Variants in RNF152 observed in about 807,000 individuals in gnomAD.
RNF152 encodes ring finger protein 152, also known as E3 ubiquitin-protein ligase RNF152.
Under a neutral mutation model 12.7 loss-of-function variants are expected in RNF152, and 11 were observed. That is an observed-to-expected ratio of 0.86 (90% CI 0.54 to 1.43). The LOEUF (loss-of-function observed/expected upper bound fraction) is 1.43. Ranked by LOEUF, RNF152 falls within the 40% of genes most tolerant of loss-of-function variation. The pLI is 0.00. For synonymous variants in RNF152, 113 were observed against 120.3 expected (o/e 0.94, Z 0.40); for missense variants, 255 against 274.8 (o/e 0.93, Z 0.51).
intron 1 of RNF152, among the ~76,000 whole-genome samples, chr18:61,885,699 A>T (rs1450972186): frequency 1.3e-5 from 2 of 152,202 alleles, no homozygotes; most frequent in African/African-American, 2.4e-5. Flanking sequence ...TCTCATAATG[A>T]TCAAGCATTT....
In RNF152 at chr18:61,808,349, G is replaced by A. The variant is rs1028708273; in HGVS notation, c.*7503C>T. The stretch of plus-strand genomic sequence containing the variant: ...ACATTTGGACAATATTTTCTACACA[G>A]CCCAGCAGCTCATTTATCTGTAGGG... On this transcript the variant is annotated 3_prime_UTR_variant, in exon 2 of 2. Transcript: ENST00000312828. 1.6e-5 allele frequency: 2 copies of A among 122,624 alleles called. No homozygotes were observed. The highest frequency in any genetic ancestry group is 6.3e-5 in the African/African-American group (2 of 31,724). The allele number at this position is 122,624 out of a possible 1,614,324, so 7.6% of individuals were successfully genotyped here.
intron 1 of RNF152, among the ~76,000 whole-genome samples, chr18:61,892,058 C>G (rs1912984766): frequency 6.6e-6 from 1 of 152,230 alleles, no homozygotes; most frequent in African/African-American, 2.4e-5. Context: ...CAAGATAACC[C>G]CAGATCTGGC....
chr18:61,859,432 G>C (rs565195032), intron 1 of RNF152, among the ~76,000 whole-genome samples: 2 of 152,304 alleles, frequency 1.3e-5, no homozygotes, highest in African/African-American at 2.4e-5. Context: ...CAAGGCTAAG[G>C]GTTCCGGAGA....
intron 1 of RNF152, among the ~76,000 whole-genome samples, chr18:61,844,077 GGAAAGAAA>G (rs35978592): frequency 0.14 from 9,597 of 68,298 alleles, 552 homozygotes; most frequent in Non-Finnish European, 0.15. Context: ...CAGAAAGAAA[GGAAAGAAA>G]GAAAGAAAGA....
At position 61,834,378 on chromosome 18, in the gene RNF152, C is replaced by T. The variant is rs184555906; in HGVS notation, c.-135-17780G>A. Among the ~76,000 whole-genome samples the T allele has an allele frequency of 3.7e-4, 56 of 152,334 alleles. 1 individual carries two copies. Among genetic ancestry groups the T allele is most frequent in the Non-Finnish European group, 1.9e-4 (13 of 68,028 alleles). On this transcript the variant is annotated intron_variant, in intron 1 of 1. Transcript: ENST00000312828. ...CGTTCCCCTCCAGCTGGCTTAGACA[C>T]CACTTCTATGTTCTCCTAGGAACCT...
At chr18:61,826,111 G>T (rs1909654200) in intron 1 of RNF152, among the ~76,000 whole-genome samples, 1 of 152,172 alleles carries the variant, frequency 6.6e-6, no homozygotes, top group Non-Finnish European at 1.5e-5. Context: ...GCTATGTTCT[G>T]TGGGGACCCA....
intron 1 of RNF152, chr18:61,888,674 G>A (rs1195635209): frequency 6.6e-6 from 1 of 152,042 alleles, no homozygotes; most frequent in Non-Finnish European, 1.5e-5. Flanking sequence ...ACTTATGAGG[G>A]GTTTATGAGG....
rs754190623 is a variant in RNF152 at position 61,813,306 on chromosome 18, ACAC to A, written c.*2543_*2545del. The stretch of plus-strand genomic sequence containing the variant: ...CACACACACACACACACACACACAC[ACAC>A]ACACACATACACAAGAATGCACACC... On this transcript the variant is annotated 3_prime_UTR_variant, in exon 2 of 2. Coordinates refer to ENST00000312828, the MANE Select transcript of RNF152 (RefSeq NM_173557.3). 0.21 allele frequency: 31,627 copies of A among 150,538 alleles called. 4,002 individuals are homozygous for A. Among genetic ancestry groups the A allele is most frequent in the Non-Finnish European group, 0.29 (19,782 of 67,400 alleles). The allele number at this position is 150,538 out of a possible 1,614,324, so 9.3% of individuals were successfully genotyped here.
intron 1 of RNF152, among the ~76,000 whole-genome samples, chr18:61,833,581 G>A (rs1910049195): frequency 6.6e-6 from 1 of 152,174 alleles, no homozygotes; most frequent in African/African-American, 2.4e-5. Flanking sequence ...ATTTCCTGAG[G>A]AAGTGATTCT....
chr18:61,845,921 G>C (rs978815124), intron 1 of RNF152, among the ~76,000 whole-genome samples: 3 of 128,702 alleles, frequency 2.3e-5, no homozygotes, highest in African/African-American at 5.4e-5. Context: ...GGCTTTGTGT[G>C]GGGGGGCGTG....
At chr18:61,834,036 T>C (rs1218698428) in intron 1 of RNF152, among the ~76,000 whole-genome samples, 1 of 152,234 alleles carries the variant, frequency 6.6e-6, no homozygotes, top group East Asian at 1.9e-4. Flanking sequence ...TCCAATGCTT[T>C]ATTAAGCACC....
At chr18:61,854,978 T>C (rs1157453030) in intron 1 of RNF152, among the ~76,000 whole-genome samples, 3 of 152,174 alleles carry the variant, frequency 2.0e-5, no homozygotes, top group Non-Finnish European at 4.4e-5. Flanking sequence ...ATACCAGCAA[T>C]AGGGCTTTTA....
At chr18:61,864,119 C>T (rs1419275280) in intron 1 of RNF152, among the ~76,000 whole-genome samples, 1 of 152,204 alleles carries the variant, frequency 6.6e-6, no homozygotes, top group East Asian at 1.9e-4. Flanking sequence ...TCTCCAACAA[C>T]AATCGGGTGT....
At chr18:61,874,079 G>A (rs189793153) in intron 1 of RNF152, among the ~76,000 whole-genome samples, 3 of 152,134 alleles carry the variant, frequency 2.0e-5, no homozygotes, top group Admixed American at 1.3e-4. Flanking sequence ...TTTAATTTTA[G>A]AAATATAAAA....
At position 61,808,387 on chromosome 18, in the gene RNF152, T is replaced by TAAAAAAAA. The variant is rs34966668; in HGVS notation, c.*7457_*7464dup. 133 of 50,750 alleles carry TAAAAAAAA rather than the reference T, an allele frequency of 2.6e-3. 2 individuals carry two copies. The highest frequency in any genetic ancestry group is 3.7e-3 in the Non-Finnish European group (96 of 25,730). The allele number at this position is 50,750 out of a possible 1,614,324, so 3.1% of individuals were successfully genotyped here. On this transcript the variant is annotated 3_prime_UTR_variant, in exon 2 of 2. Transcript: ENST00000312828. ...TTTATCTGTAGGGCTATTTGGCCCTTAAAAAAAAAAAAAAAAAAAAAAAAA... is the reference window on the plus strand; with the variant it reads ...TTTATCTGTAGGGCTATTTGGCCCTTAAAAAAAAAAAAAAAAAAAAAAAAAAAAAAAAA...
chr18:61,884,453 A>T (rs867481145), intron 1 of RNF152, among the ~76,000 whole-genome samples: 4,628 of 152,262 alleles, frequency 0.03, 242 homozygotes, highest in African/African-American at 0.11. Flanking sequence ...ACAAAAAAAA[A>T]AAAAAGCAGA....
chr18:61,827,340 A>G (rs1245531924), intron 1 of RNF152, among the ~76,000 whole-genome samples: 1 of 152,234 alleles, frequency 6.6e-6, no homozygotes, highest in Non-Finnish European at 1.5e-5. Flanking sequence ...AAAATACTAA[A>G]GAACATGTAT....
In RNF152 at chr18:61,816,214, T is replaced by C. The variant is rs1476587641; in HGVS notation, c.250A>G (p.Thr84Ala). 6.2e-6 allele frequency: 10 copies of C among 1,613,950 alleles called. No homozygotes were observed. Among genetic ancestry groups the C allele is most frequent in the Non-Finnish European group, 8.5e-6 (10 of 1,180,006 alleles). Residue 84 changes from threonine (T) to alanine (A), a missense_variant, in exon 2 of 2, where the codon ACT becomes GCT. By Grantham distance (58) the Thr-to-Ala change is moderately conservative (BLOSUM62 0). Transcript: ENST00000312828. ...EVLAVIAIPH[T>A]SEHTPVFIKL... ...ATGAAGACCGGGGTGTGTTCGGAAG[T>C]GTGTGGAATGGCGATGACAGCCAGG...
Position 61,815,971 on chromosome 18 carries a change from T to G in RNF152, c.493A>C (p.Thr165Pro). ...ATGACAGTGCACACCCCCGACCAGGTGGAGCTTTTCACCACGCCCCGCCTG... is the reference window on the plus strand; with the variant it reads ...ATGACAGTGCACACCCCCGACCAGGGGGAGCTTTTCACCACGCCCCGCCTG... ...QDRRGVVKSS[T>P]WSGVCTVILV... is the part of the protein sequence containing the mutation. The change falls in exon 2 of 2, where the codon ACC (threonine) becomes CCC (proline). Residue 165 changes from threonine to proline, a missense_variant. Thr to Pro is a conservative substitution (Grantham distance 38). Coordinates refer to ENST00000312828, the MANE Select transcript of RNF152 (RefSeq NM_173557.3). 2 of 1,613,366 alleles carry G rather than the reference T, an allele frequency of 1.2e-6. No homozygotes were observed. Among genetic ancestry groups the G allele is most frequent in the South Asian group, 1.1e-5 (1 of 90,928 alleles).
Sources: allele counts gnomAD v4.1 joint callset (sites outside exome capture counted in the v4.1 genomes callset), GRCh38; gene constraint gnomAD v4.1.1; transcripts MANE v1.5; gene names NCBI Gene and HGNC (gene_info 2026-07-23, HGNC 2026-07-21).